Variants in MYBPHL observed in about 807,000 individuals in gnomAD.
The protein encoded by MYBPHL is myosin-binding protein H-like.
A neutral mutation model predicts 39.5 loss-of-function variants in MYBPHL; 32 were observed. That is an observed-to-expected ratio of 0.81 (90% CI 0.61 to 1.09). The LOEUF is 1.09. Among genes scored for constraint, MYBPHL ranks in the 50% least tolerant of loss-of-function variants. MYBPHL has a pLI of 0.00. For synonymous variants in MYBPHL, 196 were observed against 183.7 expected (o/e 1.07, Z -0.54); for missense variants, 456 against 460.2 (o/e 0.99, Z 0.08).
rs1658087258 is a variant in MYBPHL, at chr1:109,296,850, A to G, written c.663T>C (p.Ala221=). ...TTTCACTGAGTCCGCACTGGTTTTC[A>G]GCAAAGACACGGAAGGCATAGGAGT... ...IGNSYAFRVF[A]ENQCGLSETA... Residue 221 remains alanine (A), a synonymous_variant, in exon 5 of 9, where the codon GCT becomes GCC. Transcript: ENST00000357155. 1.2e-6 allele frequency: 2 copies of G among 1,614,154 alleles called. No individual in the cohort carries two copies. The highest frequency in any genetic ancestry group is 1.3e-5 in the African/African-American group (1 of 75,030).
chr1:109,305,225 G>A (rs1422056196), intron 1 of MYBPHL, among the ~76,000 whole-genome samples: 1 of 152,242 alleles, frequency 6.6e-6, no homozygotes, highest in Non-Finnish European at 1.5e-5. Flanking sequence ...GAAAATGGGA[G>A]TGGATTGACT....
intron 1 of MYBPHL, among the ~76,000 whole-genome samples, chr1:109,299,043 A>G (rs1450860109): frequency 6.6e-6 from 1 of 152,138 alleles, no homozygotes; most frequent in Non-Finnish European, 1.5e-5. Flanking sequence ...GAGATTGACC[A>G]GGTATCATTT....
chr1:109,297,720 T>A, intron 2 of MYBPHL, 103 bp from the exon 3 acceptor site: 1 of 1,050,670 alleles, frequency 9.5e-7, no homozygotes, highest in Non-Finnish European at 1.4e-6. Context: ...GAGGCTTGAC[T>A]TGGAGCTGCA....
At chr1:109,304,355 T>C (rs1479386991) in intron 1 of MYBPHL, among the ~76,000 whole-genome samples, 2 of 152,152 alleles carry the variant, frequency 1.3e-5, no homozygotes, top group Admixed American at 6.5e-5. Context: ...AGATTCAGTT[T>C]CCCATGCCTG....
chr1:109,303,386 A>T (rs1658359476), intron 1 of MYBPHL, among the ~76,000 whole-genome samples: 2 of 151,932 alleles, frequency 1.3e-5, no homozygotes, highest in Admixed American at 1.3e-4. Flanking sequence ...ACTTCATTGC[A>T]CTCTCTTGGC....
Position 109,306,866 on chromosome 1 carries a change from C to A in MYBPHL, c.126G>T (p.Gln42His), listed in dbSNP as rs2101496127. 1 of 1,598,922 alleles carries A rather than the reference C, an allele frequency of 6.3e-7. No homozygotes were observed. The highest frequency in any genetic ancestry group is 2.3e-5 in the East Asian group (1 of 43,712). Reference protein sequence around the residue: ...PGQGAGSPTPQLLPPIEEHPK... With the variant: ...PGQGAGSPTPHLLPPIEEHPK... ...GGTCACCTTCTATAGGGGGCAGGAG[C>A]TGGGGAGTGGGGCTGCCAGCCCCCT... Residue 42 changes from glutamine to histidine, a missense_variant, in exon 1 of 9, where the codon CAG (glutamine) becomes CAT (histidine). Physicochemically the swap from Gln to His is conservative, Grantham distance 24. Coordinates refer to ENST00000357155, the MANE Select transcript of MYBPHL (RefSeq NM_001010985.3).
In MYBPHL at chr1:109,296,807, C is replaced by T; in HGVS notation, c.706G>A (p.Asp236Asn). Residue 236 changes from aspartate to asparagine, a missense_variant, in exon 5 of 9, where the codon GAC (aspartate) becomes AAC (asparagine). By Grantham distance (23) the Asp-to-Asn change is conservative. Transcript: ENST00000357155. ...GLSETAPITT[D>N]LAHIQKAATV... ...CCTGCTTTCTGGATGTGGGCGAGGT[C>T]CGTAGTGATGGGGGCTGTTTCACTG... 1.2e-6 allele frequency: 2 copies of T among 1,614,144 alleles called. No homozygotes were observed. Among genetic ancestry groups the T allele is most frequent in the Non-Finnish European group, 1.7e-6 (2 of 1,180,038 alleles).
intron 2 of MYBPHL, 100 bp from the exon 3 acceptor site, chr1:109,297,717 G>T: frequency 2.8e-6 from 3 of 1,080,350 alleles, no homozygotes; most frequent in East Asian, 5.2e-5. Context: ...AGGGAGGCTT[G>T]ACTTGGAGCT....
At position 109,297,525 on chromosome 1, in the gene MYBPHL, G is replaced by T. The variant is rs759087839; in HGVS notation, c.327C>A (p.Ile109=). ...CACGTTGGGCTTCTCGGATGAAGAG[G>T]ATGGAGTCTTGCTCCCCATTCCGCA... ...VSVRNGEQDS[I]LFIREAQRAD... Residue 109 remains isoleucine, a synonymous_variant, in exon 3 of 9, where the codon ATC becomes ATA. Coordinates refer to ENST00000357155, the MANE Select transcript of MYBPHL (RefSeq NM_001010985.3). 1.2e-6 allele frequency: 2 copies of T among 1,613,754 alleles called. No homozygotes were observed. The highest frequency in any genetic ancestry group is 1.7e-4 in the Middle Eastern group (1 of 5,812).
At chr1:109,294,021 G>C (rs753600636) in intron 8 of MYBPHL, among the ~76,000 whole-genome samples, 185 bp downstream of exon 8, 6 of 152,048 alleles carry the variant, frequency 3.9e-5, no homozygotes, top group Admixed American at 3.9e-4. Context: ...CCAAGATGGC[G>C]CCACTGCACT....
intron 1 of MYBPHL, among the ~76,000 whole-genome samples, chr1:109,302,612 C>T (rs1658332397): frequency 6.6e-6 from 1 of 152,140 alleles, no homozygotes; most frequent in Admixed American, 6.6e-5. Context: ...GGTCCCAACA[C>T]CCATGTTTCC....
At chr1:109,293,957 G>C (rs568738012) in intron 8 of MYBPHL, among the ~76,000 whole-genome samples, 1 of 151,372 alleles carries the variant, frequency 6.6e-6, no homozygotes, top group Non-Finnish European at 1.5e-5. Flanking sequence ...CCAGCTACTC[G>C]AGAGGTTGAG....
At position 109,294,242 on chromosome 1, in the gene MYBPHL, A is replaced by G. The variant is rs1282093531; in HGVS notation, c.1062T>C (p.Asn354=). 6 of 1,609,800 alleles carry G rather than the reference A, an allele frequency of 3.7e-6. No individual in the cohort carries two copies. In the African/African-American group the frequency reaches 5.3e-5, roughly 14 times the overall value. Residue 354 remains asparagine (N), a synonymous_variant, in exon 8 of 9, where the codon AAT becomes AAC. Transcript: ENST00000357155. ...TACCATGCCTTCTTAGGTGTCCTCA[A>G]TTAGGAACTGTAATAATTCGGACAT... ...VDCRVDVKVP[N]
At chr1:109,301,928 C>T (rs1467090621) in intron 1 of MYBPHL, among the ~76,000 whole-genome samples, 2 of 152,146 alleles carry the variant, frequency 1.3e-5, no homozygotes, top group Non-Finnish European at 2.9e-5. Context: ...TCCAGAGGCT[C>T]CCTAGGGGCT....
At chr1:109,298,739 G>A (rs1389585247) in intron 1 of MYBPHL, among the ~76,000 whole-genome samples, 1 of 152,122 alleles carries the variant, frequency 6.6e-6, no homozygotes, top group Non-Finnish European at 1.5e-5. Flanking sequence ...TCTGCAGGCA[G>A]AGTCAACACC....
chr1:109,296,339 T>A lies in MYBPHL; in HGVS notation c.762A>T (p.Gln254His). 6.2e-7 allele frequency: 1 copy of A among 1,614,104 alleles called. No homozygotes were observed. Among genetic ancestry groups the A allele is most frequent in the Non-Finnish European group, 8.5e-7 (1 of 1,180,002 alleles). The change falls in exon 6 of 9, where the codon CAA becomes CAT. Residue 254 changes from glutamine (Q) to histidine (H), a missense_variant. Gln to His is a conservative substitution (Grantham distance 24, BLOSUM62 0). Transcript: ENST00000357155. ...ACTTTGGGGCTTCAGAGAAGTCTCG[T>A]TGGGCAAACCCCTTGGTCTTGTAAA... ...ATVYKTKGFA[Q>H]RDFSEAPKFT... is the part of the protein sequence containing the mutation.
At chr1:109,304,979 T>G (rs1658413011) in intron 1 of MYBPHL, among the ~76,000 whole-genome samples, 1 of 152,146 alleles carries the variant, frequency 6.6e-6, no homozygotes, top group African/African-American at 2.4e-5. Flanking sequence ...GAAGAGGAGT[T>G]AGGAGGAAGA....
chr1:109,299,766 T>C (rs1036465300), intron 1 of MYBPHL, among the ~76,000 whole-genome samples: 1 of 152,128 alleles, frequency 6.6e-6, no homozygotes, highest in Non-Finnish European at 1.5e-5. Flanking sequence ...CCTGCTCAGG[T>C]CTTGACTGCC....
At chr1:109,306,821 C>T in intron 1 of MYBPHL, 26 bp downstream of exon 1, 3 of 1,539,342 alleles carry the variant, frequency 1.9e-6, no homozygotes, top group Middle Eastern at 4.0e-4. Context: ...CCGGCCTCCC[C>T]ACCCTCCCCA....
Sources: allele counts gnomAD v4.1 joint callset (sites outside exome capture counted in the v4.1 genomes callset), GRCh38; gene constraint gnomAD v4.1.1; transcripts MANE v1.5; gene names NCBI Gene and HGNC (gene_info 2026-07-23, HGNC 2026-07-21).